Variants in PARD3B observed in about 807,000 individuals in gnomAD.
The protein encoded by PARD3B is par-3 family cell polarity regulator beta, also known as partitioning defective 3 homolog B.
PARD3B carries 103 observed loss-of-function variants against 130.2 expected under a neutral mutation model. The observed-to-expected ratio is 0.79, with a 90% CI of 0.67 to 0.93. PARD3B has a LOEUF of 0.93. Ranked by LOEUF, PARD3B falls within the 40% of genes least tolerant of loss-of-function variation. The pLI is 0.00. For synonymous variants in PARD3B, 583 were observed against 553.2 expected (o/e 1.05, Z -0.76); for missense variants, 1,609 against 1,499.2 (o/e 1.07, Z -1.21).
At chr2:204,809,645 C>G (rs1181331482) in intron 2 of PARD3B, among the ~76,000 whole-genome samples, 2 of 152,028 alleles carry the variant, frequency 1.3e-5, no homozygotes, top group Admixed American at 6.6e-5. Flanking sequence ...TTATTGTAGC[C>G]CCATAGTATA....
chr2:205,415,347 G>A (rs144546082), intron 19 of PARD3B, among the ~76,000 whole-genome samples: 10 of 152,212 alleles, frequency 6.6e-5, no homozygotes, highest in Non-Finnish European at 1.3e-4. Context: ...TCAAAGGATG[G>A]ACAGAGAAGT....
intron 22 of PARD3B, among the ~76,000 whole-genome samples, chr2:205,577,850 G>A (rs1382513234): frequency 1.3e-5 from 2 of 152,086 alleles, no homozygotes; most frequent in Admixed American, 6.5e-5. Flanking sequence ...CCTGTCTTGT[G>A]GATTGATTCA....
chr2:205,022,777 A>G (rs112017379), intron 3 of PARD3B, among the ~76,000 whole-genome samples: 62 of 152,278 alleles, frequency 4.1e-4, no homozygotes, highest in African/African-American at 1.4e-3. Context: ...GGATAATTGT[A>G]AAAAACTGGG....
At chr2:205,220,320 C>T (rs2125869662) in intron 15 of PARD3B, among the ~76,000 whole-genome samples, 1 of 152,308 alleles carries the variant, frequency 6.6e-6, no homozygotes, top group African/African-American at 2.4e-5. Flanking sequence ...CTCCCTCTCA[C>T]ACTGAGCACC....
chr2:204,875,679 A>G (rs978506063), intron 2 of PARD3B, among the ~76,000 whole-genome samples: 5 of 152,328 alleles, frequency 3.3e-5, no homozygotes, highest in South Asian at 4.1e-4. Flanking sequence ...TTATGTGCAC[A>G]TGAAGTTTTT....
In PARD3B at chr2:205,405,717, G is replaced by C. The variant is rs1163990144; in HGVS notation, c.2741+4594G>C. 6.6e-6 allele frequency among the ~76,000 whole-genome samples: 1 copy of C among 152,174 alleles called. No individual in the cohort carries two copies. The highest frequency in any genetic ancestry group is 2.4e-5 in the African/African-American group (1 of 41,454). ...ACAAAACTTCAGGGGTTGACAATAT[G>C]TCCGATGACAGAATCAGCAGGAACA... On this transcript the variant is annotated intron_variant, in intron 19 of 22. Coordinates refer to ENST00000406610, the MANE Select transcript of PARD3B (RefSeq NM_001302769.2). The surrounding 1 kb of genome is among the most constrained non-coding windows in gnomAD (Gnocchi z 4.1).
intron 2 of PARD3B, among the ~76,000 whole-genome samples, chr2:204,870,993 A>G (rs1350273599): frequency 6.6e-6 from 1 of 152,164 alleles, no homozygotes; most frequent in Admixed American, 6.6e-5. Context: ...TTAATTTTGT[A>G]TCATCAAATC....
chr2:205,435,182 ATTC>A (rs1291531031), intron 19 of PARD3B, among the ~76,000 whole-genome samples: 7 of 152,094 alleles, frequency 4.6e-5, no homozygotes, highest in African/African-American at 1.7e-4. Flanking sequence ...TTTTTTGTGT[ATTC>A]TTCCAGACAT....
At chr2:204,811,219 G>A (rs1442699845) in intron 2 of PARD3B, among the ~76,000 whole-genome samples, 1 of 152,068 alleles carries the variant, frequency 6.6e-6, no homozygotes, top group South Asian at 2.1e-4. Flanking sequence ...AATCTAGCTA[G>A]TGGCCTATCT....
intron 18 of PARD3B, among the ~76,000 whole-genome samples, chr2:205,353,339 C>T (rs1276600191): frequency 6.6e-6 from 1 of 152,176 alleles, no homozygotes. Flanking sequence ...ATTAGTACCG[C>T]TCCATGGAAC....
chr2:205,025,210 A>T (rs1696924629), intron 3 of PARD3B, among the ~76,000 whole-genome samples: 1 of 152,134 alleles, frequency 6.6e-6, no homozygotes, highest in South Asian at 2.1e-4. Context: ...GCAAAGGCAA[A>T]CTGCTCACGG....
intron 4 of PARD3B, among the ~76,000 whole-genome samples, chr2:205,059,465 G>A (rs1699934111): frequency 1.3e-5 from 2 of 152,098 alleles, no homozygotes; most frequent in Non-Finnish European, 2.9e-5. Flanking sequence ...GCTAATGAAT[G>A]TACAGGTACC....
chr2:205,504,281 A>G (rs918646269), intron 21 of PARD3B, among the ~76,000 whole-genome samples: 10 of 152,230 alleles, frequency 6.6e-5, no homozygotes, highest in African/African-American at 2.4e-4. Context: ...TCCTAAAACC[A>G]TAAAAACCCT....
intron 2 of PARD3B, among the ~76,000 whole-genome samples, chr2:204,886,309 C>T (rs1234572606): frequency 6.6e-6 from 1 of 152,090 alleles, no homozygotes; most frequent in Non-Finnish European, 1.5e-5. Context: ...TTTATGAGTT[C>T]CCATCATAAG....
intron 15 of PARD3B, among the ~76,000 whole-genome samples, chr2:205,237,161 G>A (rs769749254): frequency 5.3e-5 from 8 of 152,062 alleles, no homozygotes; most frequent in African/African-American, 1.4e-4. Context: ...GTGCAATGAC[G>A]CGATCACTGC....
chr2:204,899,216 C>CCTCCTTCCCTCCT (rs1205757642), intron 2 of PARD3B, among the ~76,000 whole-genome samples: 2 of 123,522 alleles, frequency 1.6e-5, no homozygotes, highest in East Asian at 2.4e-4. Flanking sequence ...CCTTCCCTCC[C>CCTCCTTCCCTCCT]CTCCTTCCCT....
At chr2:204,795,477 T>A (rs1202907425) in intron 2 of PARD3B, among the ~76,000 whole-genome samples, 1 of 152,174 alleles carries the variant, frequency 6.6e-6, no homozygotes, top group Non-Finnish European at 1.5e-5. Flanking sequence ...AGGAGTTGCC[T>A]TTATACTGAG....
intron 4 of PARD3B, among the ~76,000 whole-genome samples, chr2:205,079,173 A>T (rs778653629): frequency 6.6e-6 from 1 of 152,236 alleles, no homozygotes; most frequent in Non-Finnish European, 1.5e-5. Context: ...GGTTCAATAC[A>T]TTGCATAGAT....
chr2:205,231,087 G>A (rs1351078731), intron 15 of PARD3B, among the ~76,000 whole-genome samples: 1 of 152,052 alleles, frequency 6.6e-6, no homozygotes, highest in Non-Finnish European at 1.5e-5. Context: ...TCAGTGATAT[G>A]AAGTAAAAGT....
Sources: allele counts gnomAD v4.1 joint callset (sites outside exome capture counted in the v4.1 genomes callset), GRCh38; gene constraint gnomAD v4.1.1; non-coding constraint Gnocchi (gnomAD v3.1); transcripts MANE v1.5; gene names NCBI Gene and HGNC (gene_info 2026-07-23, HGNC 2026-07-21).